Variants in ADCY10 observed in about 807,000 individuals in gnomAD.
ADCY10 encodes adenylate cyclase 10, also known as adenylate cyclase type 10.
In ADCY10, 156 loss-of-function variants were observed where a neutral mutation model predicts 183.3. That is an observed-to-expected ratio of 0.85 (90% confidence interval 0.75 to 0.97). The LOEUF (loss-of-function observed/expected upper bound fraction) is 0.97, where lower values mean the gene tolerates loss of function less well. ADCY10 is among the 50% of genes least tolerant of loss of function. The pLI is 0.00. For missense variants in ADCY10, 1,745 were observed against 1,934.3 expected, an observed-to-expected ratio of 0.90 and a Z score of 1.84; for synonymous variants, 645 against 670.0, an observed-to-expected ratio of 0.96 and a Z score of 0.58.
Position 167,824,347 on chromosome 1 carries a change from A to C in ADCY10, c.4052+129T>G, listed in dbSNP as rs1425522375. On this transcript the variant is annotated intron_variant, in intron 28 of 32. Transcript: ENST00000367851. The stretch of plus-strand genomic sequence containing the variant: ...GAAAAAAGAAAAAAGGGTGACTACT[A>C]TCAGTTACATTTTCTTACTGCAAAC... 4.9e-6 allele frequency: 4 copies of C among 811,384 alleles called. No individual in the cohort carries two copies. In the East Asian group the frequency reaches 7.3e-5, roughly 15 times the overall value. The allele number at this position is 811,384 out of a possible 1,614,324, so 50.3% of individuals were successfully genotyped here.
intron 8 of ADCY10, among the ~76,000 whole-genome samples, chr1:167,886,783 A>G (rs752449345): frequency 6.6e-6 from 1 of 152,224 alleles, no homozygotes; most frequent in East Asian, 1.9e-4. Flanking sequence ...GAAAATTTTT[A>G]CAATCTACCC....
At chr1:167,885,923 C>T (rs971385754) in intron 8 of ADCY10, among the ~76,000 whole-genome samples, 1 of 152,018 alleles carries the variant, frequency 6.6e-6, no homozygotes, top group African/African-American at 2.4e-5. Flanking sequence ...CTTATTCAGA[C>T]CTTTTACCCA....
At chr1:167,829,488 C>T in intron 25 of ADCY10, 65 bp from the exon 26 acceptor site, 1 of 1,594,966 alleles carries the variant, frequency 6.3e-7, no homozygotes, top group South Asian at 1.1e-5. Flanking sequence ...TTTAGGGGAG[C>T]ACAGGTACAT....
chr1:167,913,461 G>T (rs1670278469), intron 1 of ADCY10, among the ~76,000 whole-genome samples: 1 of 152,190 alleles, frequency 6.6e-6, no homozygotes, highest in Admixed American at 6.5e-5. Flanking sequence ...AAGCTTGCTT[G>T]CCTACTCTAG....
chr1:167,824,888 G>A, intron 26 of ADCY10, 33 bp from the exon 27 acceptor site: 4 of 1,594,508 alleles, frequency 2.5e-6, no homozygotes, highest in Non-Finnish European at 2.6e-6. Context: ...GAGTGAGGCA[G>A]AACGCAAAGC....
chr1:167,844,378 T>G (rs1454070873), intron 21 of ADCY10, among the ~76,000 whole-genome samples: 1 of 152,246 alleles, frequency 6.6e-6, no homozygotes, highest in Non-Finnish European at 1.5e-5. Context: ...TTCAACAACA[T>G]GCTCGTCCCA....
Position 167,880,347 on chromosome 1 carries a change from G to T in ADCY10, c.1139+144C>A, listed in dbSNP as rs1667784444. The stretch of plus-strand genomic sequence containing the variant: ...GTTTATGGCATTTCTACATGGCCCG[G>T]AGATGCGAAGGAGGAACAACAGTTT... On this transcript the variant is annotated intron_variant, in intron 10 of 32. Coordinates refer to ENST00000367851, the MANE Select transcript of ADCY10 (RefSeq NM_018417.6). 2.6e-5 allele frequency: 25 copies of T among 944,012 alleles called. 1 individual carries two copies. In the South Asian group the frequency reaches 3.4e-4, roughly 13 times the overall value. The allele number at this position is 944,012 out of a possible 1,614,324, so 58.5% of individuals were successfully genotyped here.
chr1:167,893,719 A>AT, intron 8 of ADCY10, 134 bp downstream of exon 8: 1 of 478,146 alleles, frequency 2.1e-6, no homozygotes, highest in Non-Finnish European at 3.9e-6. Flanking sequence ...AAAAAAAAAA[A>AT]GGAAGTCTTT....
At chr1:167,911,972 G>T (rs1239435561) in intron 1 of ADCY10, among the ~76,000 whole-genome samples, 1 of 152,150 alleles carries the variant, frequency 6.6e-6, no homozygotes, top group Non-Finnish European at 1.5e-5. Flanking sequence ...GGTTTAAAAG[G>T]CAGGGAGATC....
chr1:167,829,462 A>G lies in ADCY10; in HGVS notation c.3594-39T>C, dbSNP rs369309251. Reference sequence around the variant, plus strand: ...TAAACACAAATGGAACATGAAAGGTATCATCATTACCATGATTTAGGGGAG... The same window carrying G: ...TAAACACAAATGGAACATGAAAGGTGTCATCATTACCATGATTTAGGGGAG... On this transcript the variant is annotated intron_variant, in intron 25 of 32. Transcript: ENST00000367851. The G allele has an allele frequency of 9.5e-5, 154 of 1,612,934 alleles. No homozygotes were observed. The African/African-American group carries it at 1.9e-3, about 19-fold the overall frequency.
intron 14 of ADCY10, among the ~76,000 whole-genome samples, chr1:167,863,264 T>C (rs547018374): frequency 6.6e-6 from 1 of 152,312 alleles, no homozygotes; most frequent in East Asian, 1.9e-4. Flanking sequence ...TGTTGTTATC[T>C]ATAGATTCCA....
intron 8 of ADCY10, among the ~76,000 whole-genome samples, chr1:167,891,612 C>A (rs1311731833): frequency 6.7e-6 from 1 of 149,342 alleles, no homozygotes; most frequent in African/African-American, 2.5e-5. Context: ...GCCAAGATTG[C>A]GCCACTGCAC....
At chr1:167,824,978 C>T (rs116656067) in intron 26 of ADCY10, 123 bp from the exon 27 acceptor site, 38 of 971,848 alleles carry the variant, frequency 3.9e-5, no homozygotes, top group Middle Eastern at 2.9e-4. Context: ...GACATTTGGC[C>T]GAAGCCATGG....
Position 167,859,803 on chromosome 1 carries a change from T to G in ADCY10, c.1896+4A>C, listed in dbSNP as rs1666162042. The G allele has an allele frequency of 6.2e-7, 1 of 1,610,700 alleles. No individual in the cohort carries two copies. Among genetic ancestry groups the G allele is most frequent in the Non-Finnish European group, 8.5e-7 (1 of 1,177,002 alleles). On this transcript the variant is annotated splice_donor_region_variant and intron_variant, in intron 16 of 32. Transcript: ENST00000367851. ...CCTACTTCTTGACCCACAGATGCTC[T>G]TACCAGCTTCAAGATCTTCATAAAC...
intron 16 of ADCY10, among the ~76,000 whole-genome samples, chr1:167,858,185 G>A (rs1666035084): frequency 6.6e-6 from 1 of 152,086 alleles, no homozygotes; most frequent in Admixed American, 6.5e-5. Context: ...ATATGGAAAT[G>A]TTAAGAGACT....
At chr1:167,865,458 T>C (rs1249350403) in intron 14 of ADCY10, among the ~76,000 whole-genome samples, 1 of 152,236 alleles carries the variant, frequency 6.6e-6, no homozygotes, top group Non-Finnish European at 1.5e-5. Context: ...AAACTTACCT[T>C]ATGGTCAAAC....
At chr1:167,842,556 A>T (rs1474829684) in intron 21 of ADCY10, among the ~76,000 whole-genome samples, 1 of 151,310 alleles carries the variant, frequency 6.6e-6, no homozygotes, top group East Asian at 2.0e-4. Flanking sequence ...TCTGTCTAGG[A>T]TAGATTAAAG....
chr1:167,829,222 A>G lies in ADCY10; in HGVS notation c.3750+45T>C, dbSNP rs765063545. The G allele has an allele frequency of 1.9e-5, 30 of 1,611,486 alleles. 1 individual carries two copies. In the South Asian group the frequency reaches 3.0e-4, roughly 16 times the overall value. On this transcript the variant is annotated intron_variant, in intron 26 of 32. Coordinates refer to ENST00000367851, the MANE Select transcript of ADCY10 (RefSeq NM_018417.6). ...GGCTTTCACTAGGCTTTTCTTCCCAAATGAAATTCAGAAACTTAAAGGAGC... is the reference window on the plus strand; with the variant it reads ...GGCTTTCACTAGGCTTTTCTTCCCAGATGAAATTCAGAAACTTAAAGGAGC...
Position 167,828,046 on chromosome 1 carries a change from A to C in ADCY10, c.3750+1221T>G, listed in dbSNP as rs190538434. On this transcript the variant is annotated intron_variant, in intron 26 of 32. Transcript: ENST00000367851. ...AGGCATTATTTGTGACAGGAAAAAT[A>C]GTGAAAGACCTTAAAATGGGCAAAA... is the stretch of plus-strand genomic sequence containing the variant. Among the ~76,000 whole-genome samples the C allele has an allele frequency of 2.0e-4, 30 of 152,346 alleles. 1 individual carries two copies. The highest frequency in any genetic ancestry group is 1.3e-3 in the Admixed American group (20 of 15,304).
Sources: allele counts gnomAD v4.1 joint callset (sites outside exome capture counted in the v4.1 genomes callset), GRCh38; gene constraint gnomAD v4.1.1; transcripts MANE v1.5; gene names NCBI Gene and HGNC (gene_info 2026-07-23, HGNC 2026-07-21).